The following EBF4 variants were observed in gnomAD, a reference collection of about 807,000 sequenced individuals.
EBF4 encodes the protein transcription factor COE4.
A neutral mutation model predicts 67.1 loss-of-function variants in EBF4; 34 were observed. The ratio of observed to expected loss-of-function variants is 0.51; its 90% confidence interval spans 0.39 to 0.67. EBF4 has a LOEUF of 0.67. Among genes scored for constraint, EBF4 ranks in the 30% least tolerant of loss-of-function variants. The pLI, the probability that EBF4 is intolerant of heterozygous loss-of-function variation, is 0.00. For synonymous variants in EBF4, 387 were observed against 377.7 expected, an observed-to-expected ratio of 1.02 and a Z score of -0.29; for missense variants, 837 against 873.3, an observed-to-expected ratio of 0.96 and a Z score of 0.52.
At position 2,697,508 on chromosome 20, in the gene EBF4, G is replaced by A. The variant is rs1393936742; in HGVS notation, c.137+3726G>A. Among the ~76,000 whole-genome samples the A allele has an allele frequency of 4.6e-5, 7 of 151,310 alleles. 1 individual carries two copies. The highest frequency in any genetic ancestry group is 3.3e-4 in the Admixed American group (5 of 15,194). On this transcript the variant is annotated intron_variant, in intron 1 of 16. Transcript: ENST00000609451. Reference sequence around the variant, plus strand: ...TGCAGTGAGCCGAGATCGCGCCACTGCACTCCAGCCTGGGTGACAGAGCGA... The same window carrying A: ...TGCAGTGAGCCGAGATCGCGCCACTACACTCCAGCCTGGGTGACAGAGCGA...
chr20:2,732,434 C>T (rs2087826523), intron 6 of EBF4, among the ~76,000 whole-genome samples: 1 of 152,196 alleles, frequency 6.6e-6, no homozygotes, highest in African/African-American at 2.4e-5. Context: ...TTATTAGATA[C>T]ACATGCTTAT....
chr20:2,741,408 T>C (rs1264679850), intron 6 of EBF4, among the ~76,000 whole-genome samples: 2 of 152,212 alleles, frequency 1.3e-5, no homozygotes, highest in African/African-American at 4.8e-5. Context: ...ACTTGCCTTC[T>C]CTACTGAGTG....
intron 4 of EBF4, among the ~76,000 whole-genome samples, chr20:2,706,843 G>C (rs1412777544): frequency 6.6e-6 from 1 of 152,236 alleles, no homozygotes; most frequent in Non-Finnish European, 1.5e-5. Flanking sequence ...TAAAGGGGAT[G>C]TGGGCACAGC....
rs2088151608 is a variant in EBF4 at position 2,751,842 on chromosome 20, G to C, written c.1107+54G>C. ...CTGAGGGTGTCCTGTGGGCAAGGGG[G>C]TGAGGAGGGGCTCCCGAGGGCCCCT... On this transcript the variant is annotated intron_variant, in intron 11 of 16. Coordinates refer to ENST00000609451, the Ensembl canonical transcript of EBF4. This position sits in a 1 kb window ranked among gnomAD's most constrained non-coding sequence, Gnocchi z 5.2. 2 of 1,541,384 alleles carry C rather than the reference G, an allele frequency of 1.3e-6. No homozygotes were observed. Among genetic ancestry groups the C allele is most frequent in the Middle Eastern group, 1.8e-4 (1 of 5,566 alleles).
chr20:2,707,824 G>GCC lies in EBF4; in HGVS notation c.415-122_415-121insCC. 1.0e-6 allele frequency: 1 copy of GCC among 956,948 alleles called. No individual in the cohort carries two copies. The highest frequency in any genetic ancestry group is 1.7e-5 in the African/African-American group (1 of 59,668). The allele number at this position is 956,948 out of a possible 1,614,324, so 59.3% of individuals were successfully genotyped here. On this transcript the variant is annotated intron_variant, in intron 4 of 16. Transcript: ENST00000609451. This position sits in a 1 kb window ranked among gnomAD's most constrained non-coding sequence, Gnocchi z 4.6. Reference sequence around the variant, plus strand: ...CAGCCCAGAGCAAGGCAGAGGGCGTGCTCTTCCCTGGGGCAGGGTCTCCCT... The same window carrying GCC: ...CAGCCCAGAGCAAGGCAGAGGGCGTGCCCTCTTCCCTGGGGCAGGGTCTCCCT...
chr20:2,757,697 A>G (rs1346995887), intron 15 of EBF4, among the ~76,000 whole-genome samples: 2 of 152,224 alleles, frequency 1.3e-5, no homozygotes, highest in South Asian at 4.1e-4. Context: ...GTGTAATCCT[A>G]GCACTTTGGC....
exon 14 of EBF4, chr20:2,752,380 G>A: frequency 8.1e-7 from 1 of 1,240,708 alleles, no homozygotes; most frequent in Non-Finnish European, 1.0e-6. Flanking sequence ...CTGCAGCAGC[G>A]CGTCCCCCCG....
At chr20:2,720,358 A>G (rs2087664152) in intron 6 of EBF4, among the ~76,000 whole-genome samples, 1 of 152,124 alleles carries the variant, frequency 6.6e-6, no homozygotes, top group Non-Finnish European at 1.5e-5. Flanking sequence ...GGCCTCCCAA[A>G]GTGCTGGGAT....
At chr20:2,720,894 A>C (rs928095930) in intron 6 of EBF4, among the ~76,000 whole-genome samples, 39 of 152,258 alleles carry the variant, frequency 2.6e-4, no homozygotes, top group African/African-American at 8.7e-4. Context: ...GGTTTGTAAG[A>C]TGTCGCTCCA....
intron 6 of EBF4, among the ~76,000 whole-genome samples, chr20:2,741,119 T>C (rs1432703024): frequency 2.0e-5 from 3 of 152,212 alleles, no homozygotes; most frequent in Non-Finnish European, 4.4e-5. Flanking sequence ...GAGACCAGCC[T>C]GGGCAACGTA....
intron 6 of EBF4, among the ~76,000 whole-genome samples, chr20:2,715,968 C>T (rs1168200193): frequency 1.3e-5 from 2 of 151,912 alleles, no homozygotes; most frequent in African/African-American, 2.4e-5. Context: ...AGGCTGGTCT[C>T]GAACTCCTGA....
chr20:2,753,473 A>G (rs750505515), intron 14 of EBF4, among the ~76,000 whole-genome samples: 2 of 152,248 alleles, frequency 1.3e-5, no homozygotes, highest in Non-Finnish European at 2.9e-5. Flanking sequence ...GCAGGCATTT[A>G]TAAAGCGCCC....
intron 6 of EBF4, among the ~76,000 whole-genome samples, chr20:2,721,584 A>G (rs1047842253): frequency 1.3e-5 from 2 of 152,012 alleles, no homozygotes; most frequent in African/African-American, 4.8e-5. Flanking sequence ...CCTCCCGAGT[A>G]ACTGGGTTTA....
chr20:2,749,623 C>T, exon 9 of EBF4: 1 of 1,557,328 alleles, frequency 6.4e-7, no homozygotes. Flanking sequence ...CTCCCAGCTG[C>T]CACCCCCTGC....
rs759510881 is a variant in EBF4 at position 2,751,264 on chromosome 20, G to A, written c.1019-436G>A. Among the ~76,000 whole-genome samples, 1 of 152,194 alleles carries A rather than the reference G, an allele frequency of 6.6e-6. No homozygotes were observed. Among genetic ancestry groups the A allele is most frequent in the African/African-American group, 2.4e-5 (1 of 41,438 alleles). ...ACCTCTAGCCTTCAGATGCTGCAGA[G>A]AGTCCACTTGAGCCGTGATAAATGG... On this transcript the variant is annotated intron_variant, in intron 10 of 16. Transcript: ENST00000609451. The surrounding 1 kb of genome is among the most constrained non-coding windows in gnomAD (Gnocchi z 5.2).
rs983077194 is a variant in EBF4 at position 2,755,429 on chromosome 20, C to A, written c.1541-198C>A. On this transcript the variant is annotated intron_variant, in intron 14 of 16. Coordinates refer to ENST00000609451, the Ensembl canonical transcript of EBF4. The surrounding 1 kb of genome is among the most constrained non-coding windows in gnomAD (Gnocchi z 4.7). ...GGTCTGGCCCTGTCATCCCCAGCCC[C>A]GAGAAAAGGTCTCCAGAACCGCTGA... The A allele has an allele frequency of 5.2e-6, 3 of 575,612 alleles. No individual in the cohort carries two copies. Among genetic ancestry groups the A allele is most frequent in the African/African-American group, 3.8e-5 (2 of 53,090 alleles). 35.7% of individuals were successfully genotyped at this position (575,612 alleles called of 1,614,324 possible).
intron 6 of EBF4, among the ~76,000 whole-genome samples, chr20:2,743,890 G>T (rs1396643314): frequency 1.3e-5 from 2 of 152,004 alleles, no homozygotes; most frequent in Non-Finnish European, 2.9e-5. Context: ...CCATCACACA[G>T]GTACAATACA....
In EBF4 at chr20:2,732,287, AT is replaced by A. The variant is rs1331872977; in HGVS notation, c.558-16256del. Among the ~76,000 whole-genome samples the A allele has an allele frequency of 6.6e-4, 101 of 151,942 alleles. No individual in the cohort carries two copies. In the East Asian group the frequency reaches 0.018, roughly 27 times the overall value. On this transcript the variant is annotated intron_variant, in intron 6 of 16. Transcript: ENST00000609451. ...AGGTGCATGCCACCACACCCAGTTAATTTTTTGTATTTTTAGTTGAGACGGG... is the reference window on the plus strand; with the variant it reads ...AGGTGCATGCCACCACACCCAGTTAATTTTTGTATTTTTAGTTGAGACGGG...
At chr20:2,758,955 G>A in exon 16 of EBF4, 4 of 1,551,804 alleles carry the variant, frequency 2.6e-6, no homozygotes, top group Non-Finnish European at 3.5e-6. Flanking sequence ...CAGCCCGGGG[G>A]CTTCAGGGCC....
Sources: gnomAD v4.1 joint callset for allele counts (sites outside exome capture counted in the v4.1 genomes callset) on GRCh38, gnomAD v4.1.1 for gene constraint, Gnocchi (gnomAD v3.1) non-coding constraint, MANE v1.5 for transcripts, NCBI Gene and HGNC (gene_info 2026-07-23, HGNC 2026-07-21) for gene names.